Variants in DCC observed in about 807,000 individuals in gnomAD.
The protein encoded by DCC is netrin receptor DCC.
Under a neutral mutation model 172.5 loss-of-function variants are expected in DCC, and 58 were observed. The ratio of observed to expected loss-of-function variants is 0.34; its 90% confidence interval spans 0.27 to 0.42. The LOEUF (loss-of-function observed/expected upper bound fraction) is 0.42. DCC is among the 10% of genes least tolerant of loss of function. The pLI, the probability that DCC is intolerant of heterozygous loss-of-function variation, is 1.00. For missense variants in DCC, 1,740 were observed against 1,791.0 expected, an observed-to-expected ratio of 0.97 and a Z score of 0.51; for synonymous variants, 709 against 644.5, an observed-to-expected ratio of 1.10 and a Z score of -1.52.
At chr18:53,390,063 G>A (rs1908439589) in intron 16 of DCC, among the ~76,000 whole-genome samples, 1 of 152,164 alleles carries the variant, frequency 6.6e-6, no homozygotes, top group Non-Finnish European at 1.5e-5. Flanking sequence ...TGGCAAAAAT[G>A]TCTTCCACTG....
At chr18:53,386,981 C>T (rs1169445980) in intron 16 of DCC, among the ~76,000 whole-genome samples, 1 of 152,282 alleles carries the variant, frequency 6.6e-6, no homozygotes, top group South Asian at 2.1e-4. Context: ...AACCCAAGTT[C>T]CCTCTCTAAT....
chr18:53,223,625 T>G (rs2055976748), intron 12 of DCC, among the ~76,000 whole-genome samples: 1 of 152,188 alleles, frequency 6.6e-6, no homozygotes, highest in African/African-American at 2.4e-5. Flanking sequence ...GGTTGATTAG[T>G]TAGAAGACAT....
intron 7 of DCC, among the ~76,000 whole-genome samples, chr18:53,131,091 A>G (rs576657441): frequency 3.5e-3 from 530 of 152,296 alleles, no homozygotes; most frequent in Non-Finnish European, 4.8e-3. Flanking sequence ...AAGGAACTTC[A>G]GAACCTCAGA....
At chr18:53,085,006 A>G (rs2042858176) in intron 7 of DCC, among the ~76,000 whole-genome samples, 1 of 152,190 alleles carries the variant, frequency 6.6e-6, no homozygotes, top group African/African-American at 2.4e-5. Flanking sequence ...AACTATGAAA[A>G]TAGGGGATCC....
intron 5 of DCC, among the ~76,000 whole-genome samples, chr18:52,950,722 A>G (rs1415035081): frequency 6.6e-6 from 1 of 151,846 alleles, no homozygotes; most frequent in Non-Finnish European, 1.5e-5. Flanking sequence ...CAGGAGATCG[A>G]GACCATCCTG....
chr18:53,000,770 T>C lies in DCC; in HGVS notation c.986-62535T>C, dbSNP rs75804237. ...GATAATAACAGCTCATGAAAACCCATTGATAAATGATGATGATTTTTCAAG... is the reference window on the plus strand; with the variant it reads ...GATAATAACAGCTCATGAAAACCCACTGATAAATGATGATGATTTTTCAAG... On this transcript the variant is annotated intron_variant, in intron 5 of 28. Coordinates refer to ENST00000442544, the MANE Select transcript of DCC (RefSeq NM_005215.4). Among the ~76,000 whole-genome samples, 349 of 151,832 alleles carry C rather than the reference T, an allele frequency of 2.3e-3. 1 individual carries two copies. The East Asian group carries it at 0.048, about 21-fold the overall frequency.
chr18:52,900,502 C>T (rs538810496), intron 2 of DCC, among the ~76,000 whole-genome samples: 45 of 152,246 alleles, frequency 3.0e-4, no homozygotes, highest in Admixed American at 7.2e-4. Context: ...GAATTGTTGA[C>T]ATCAATATAA....
chr18:52,383,240 T>G (rs1985659041), intron 1 of DCC, among the ~76,000 whole-genome samples: 1 of 152,144 alleles, frequency 6.6e-6, no homozygotes, highest in Admixed American at 6.5e-5. Flanking sequence ...TGTTTACCTC[T>G]TACTCTAAAT....
At chr18:53,021,351 G>T (rs2041879227) in intron 5 of DCC, among the ~76,000 whole-genome samples, 1 of 152,136 alleles carries the variant, frequency 6.6e-6, no homozygotes, top group African/African-American at 2.4e-5. Flanking sequence ...TGAAGTGAAT[G>T]AGCTGTGAGT....
chr18:52,340,607 G>T lies in DCC; in HGVS notation c.-181G>T, dbSNP rs1983582153. 2.9e-6 allele frequency: 2 copies of T among 691,762 alleles called. No homozygotes were observed. The highest frequency in any genetic ancestry group is 4.1e-5 in the Admixed American group (2 of 49,130). 42.9% of individuals were successfully genotyped at this position (691,762 alleles called of 1,614,324 possible). On this transcript the variant is annotated 5_prime_UTR_variant, in exon 1 of 29. Transcript: ENST00000442544. ...ATTCTGTCAGTGGACAAGGAAAAAG[G>T]CTTCGAAGGCAGCAGAGGCGCAGGG...
chr18:53,002,489 C>T (rs896329751), intron 5 of DCC, among the ~76,000 whole-genome samples: 7 of 151,950 alleles, frequency 4.6e-5, no homozygotes, highest in African/African-American at 1.2e-4. Context: ...GGGAAAGTGA[C>T]CCAGAATATC....
At chr18:52,545,667 G>C (rs1263183468) in intron 1 of DCC, among the ~76,000 whole-genome samples, 1 of 152,134 alleles carries the variant, frequency 6.6e-6, no homozygotes, top group African/African-American at 2.4e-5. Flanking sequence ...TGTAATAAGG[G>C]TCATCTTTGA....
chr18:52,715,295 C>CT (rs10658253), intron 1 of DCC, among the ~76,000 whole-genome samples: 19,736 of 144,628 alleles, frequency 0.14, 1,446 homozygotes, highest in African/African-American at 0.19. Context: ...TTTTTCTTTT[C>CT]TTTTTTTTTT....
chr18:52,362,214 C>T (rs917388286), intron 1 of DCC, among the ~76,000 whole-genome samples: 1 of 152,200 alleles, frequency 6.6e-6, no homozygotes, highest in African/African-American at 2.4e-5. Context: ...TCTGGCCATT[C>T]CCATGAATGA....
chr18:53,413,377 A>G (rs1444582155), intron 20 of DCC, among the ~76,000 whole-genome samples: 1 of 152,176 alleles, frequency 6.6e-6, no homozygotes, highest in Admixed American at 6.5e-5. Flanking sequence ...AAAATACATG[A>G]TTTTTCTTGA....
At position 53,459,238 on chromosome 18, in the gene DCC, G is replaced by A. The variant is rs34075746; in HGVS notation, c.3399G>A (p.Arg1133=). Residue 1133 remains arginine, a synonymous_variant, in exon 24 of 29, where the codon CGG becomes CGA. Transcript: ENST00000442544. ...TTCTAACTTTGTTCCATAGGAAACGGGCCACCCACAGTGCTGGCAAAAGGA... is the reference window on the plus strand; with the variant it reads ...TTCTAACTTTGTTCCATAGGAAACGAGCCACCCACAGTGCTGGCAAAAGGA... ...RRSSAQQRKK[R]ATHSAGKRKG... 514 of 1,613,546 alleles carry A rather than the reference G, an allele frequency of 3.2e-4. 3 individuals are homozygous for A. The African/African-American group carries it at 4.7e-3, about 15-fold the overall frequency.
At chr18:52,544,451 C>CTT (rs112130561) in intron 1 of DCC, among the ~76,000 whole-genome samples, 19 of 149,164 alleles carry the variant, frequency 1.3e-4, no homozygotes, top group African/African-American at 4.0e-4. Context: ...TTCTTTCTTT[C>CTT]TTTTTTTTTT....
intron 5 of DCC, among the ~76,000 whole-genome samples, chr18:52,961,313 A>G (rs2040839418): frequency 1.3e-5 from 2 of 152,096 alleles, no homozygotes; most frequent in South Asian, 4.1e-4. Context: ...ATAAAAATAA[A>G]ATGCATAGGA....
chr18:53,147,684 A>G (rs1260113665), intron 7 of DCC, among the ~76,000 whole-genome samples: 1 of 152,176 alleles, frequency 6.6e-6, no homozygotes, highest in Non-Finnish European at 1.5e-5. Flanking sequence ...TATCCTGTCT[A>G]TCTGAAACAC....
Sources: gnomAD v4.1 joint callset for allele counts (sites outside exome capture counted in the v4.1 genomes callset) on GRCh38, gnomAD v4.1.1 for gene constraint, MANE v1.5 for transcripts, NCBI Gene and HGNC (gene_info 2026-07-23, HGNC 2026-07-21) for gene names.